Variants in SNRNP200 observed in about 807,000 individuals in gnomAD.
SNRNP200 encodes the protein U5 small nuclear ribonucleoprotein 200 kDa helicase.
Under a neutral mutation model 255.2 loss-of-function variants are expected in SNRNP200, and 66 were observed. That is an observed-to-expected ratio of 0.26 (90% CI 0.21 to 0.32). SNRNP200 has a LOEUF of 0.32. Among genes scored for constraint, SNRNP200 ranks in the 10% least tolerant of loss-of-function variants. SNRNP200 has a pLI of 1.00. For synonymous variants in SNRNP200, 939 were observed against 1,027.8 expected (o/e 0.91, Z 1.65); for missense variants, 1,585 against 2,749.8 (o/e 0.58, Z 9.47).
chr2:96,290,758 T>A lies in SNRNP200; in HGVS notation c.2479A>T (p.Ile827Phe). The change falls in exon 19 of 45, where the codon ATC (isoleucine) becomes TTC (phenylalanine). Residue 827 changes from isoleucine (I) to phenylalanine (F), a missense_variant. Coordinates refer to ENST00000323853, the MANE Select transcript of SNRNP200 (RefSeq NM_014014.5). This position sits in a 1 kb window ranked among gnomAD's most constrained non-coding sequence, Gnocchi z 4.5. ...WGVNLPAHTVIIKGTQVYSPE... is the reference protein window; with the variant it reads ...WGVNLPAHTVFIKGTQVYSPE... ...CTGTACACCTGGGTGCCTTTGATGATGACTGTATGTGCAGGGAGATTCACA... is the reference window on the plus strand; with the variant it reads ...CTGTACACCTGGGTGCCTTTGATGAAGACTGTATGTGCAGGGAGATTCACA... 6.2e-7 allele frequency: 1 copy of A among 1,614,208 alleles called. No homozygotes were observed. The highest frequency in any genetic ancestry group is 1.1e-5 in the South Asian group (1 of 91,088).
rs760634966 is a variant in SNRNP200, at chr2:96,287,005, C to T, written c.3639+1G>A. On this transcript the variant is annotated splice_donor_variant, in intron 27 of 44. Transcript: ENST00000323853. LOFTEE classifies it high-confidence loss of function. The surrounding 1 kb of genome is among the most constrained non-coding windows in gnomAD (Gnocchi z 5.7). ...AGCACCTCTGCCCAGCAAAGCCTCACCTTTTCATCCCACTGGAAGTCTGGC... is the reference window on the plus strand; with the variant it reads ...AGCACCTCTGCCCAGCAAAGCCTCATCTTTTCATCCCACTGGAAGTCTGGC... The T allele has an allele frequency of 6.2e-7, 1 of 1,614,204 alleles. No homozygotes were observed. The highest frequency in any genetic ancestry group is 8.5e-7 in the Non-Finnish European group (1 of 1,180,026).
rs771701106 is a variant in SNRNP200 at position 96,285,209 on chromosome 2, T to C, written c.4135A>G (p.Ile1379Val). 5 of 1,613,992 alleles carry C rather than the reference T, an allele frequency of 3.1e-6. No individual in the cohort carries two copies. The highest frequency in any genetic ancestry group is 1.1e-5 in the South Asian group (1 of 91,086). The change falls in exon 30 of 45, where the codon ATC (isoleucine) becomes GTC (valine). Residue 1379 changes from isoleucine to valine, a missense_variant. Physicochemically the swap from Ile to Val is conservative, Grantham distance 29. Coordinates refer to ENST00000323853, the MANE Select transcript of SNRNP200 (RefSeq NM_014014.5). ...LQSSEGRCVYITPMEALAEQV... is the reference protein window; with the variant it reads ...LQSSEGRCVYVTPMEALAEQV... ...TCTGCCAGGGCCTCCATGGGGGTGA[T>C]GTACACACAGCGCCCCTCCGAGCTC...
chr2:96,304,954 CGTA>C (rs1252121713), intron 1 of SNRNP200, 86 bp from the exon 2 acceptor site: 2 of 1,452,542 alleles, frequency 1.4e-6, no homozygotes, highest in South Asian at 2.4e-5. Flanking sequence ...TGGAAAAAAT[CGTA>C]GTAACTAGTT....
rs763520643 is a variant in SNRNP200, at chr2:96,298,792, A to G, written c.882+23T>C. 3 of 1,614,112 alleles carry G rather than the reference A, an allele frequency of 1.9e-6. No homozygotes were observed. In the South Asian group the frequency reaches 3.3e-5, roughly 18 times the overall value. On this transcript the variant is annotated intron_variant, in intron 7 of 44. Transcript: ENST00000323853. Reference sequence around the variant, plus strand: ...ATGTGCTAAGATACACTAAATATACAACTATTGTCATCTTGGCCATACCTT... The same window carrying G: ...ATGTGCTAAGATACACTAAATATACGACTATTGTCATCTTGGCCATACCTT...
At chr2:96,292,056 C>T (rs569068167) in intron 16 of SNRNP200, among the ~76,000 whole-genome samples, 156 bp from the exon 17 acceptor site, 4 of 152,320 alleles carry the variant, frequency 2.6e-5, no homozygotes, top group African/African-American at 4.8e-5. Context: ...AGCCTAAACA[C>T]GGCTGGAAAG....
chr2:96,297,000 C>T lies in SNRNP200; in HGVS notation c.1448G>A (p.Arg483Gln), dbSNP rs199570183. The T allele has an allele frequency of 1.1e-5, 18 of 1,614,056 alleles. No homozygotes were observed. Among genetic ancestry groups the T allele is most frequent in the African/African-American group, 4.0e-5 (3 of 74,900 alleles). Reference protein sequence around the residue: ...AGFEGFKTLNRIQSKLYRAAL... With the variant: ...AGFEGFKTLNQIQSKLYRAAL... ...AGCACGGTAGAGCTTACTCTGGATC[C>T]GATTCAGTGTTTTGAAGCCCTCAAA... The change falls in exon 12 of 45, where the codon CGG becomes CAG. Residue 483 changes from arginine to glutamine, a missense_variant. Physicochemically the swap from Arg to Gln is conservative, Grantham distance 43 (BLOSUM62 1). Transcript: ENST00000323853.
At position 96,285,169 on chromosome 2, in the gene SNRNP200, C is replaced by G; in HGVS notation, c.4164+11G>C. 6.2e-7 allele frequency: 1 copy of G among 1,613,932 alleles called. No homozygotes were observed. The highest frequency in any genetic ancestry group is 8.5e-7 in the Non-Finnish European group (1 of 1,179,932). On this transcript the variant is annotated intron_variant, in intron 30 of 44. Transcript: ENST00000323853. ...CTTGGGAAATTCACATGACACAGCGCCACGTCATACCTGCTCTGCCAGGGC... is the reference window on the plus strand; with the variant it reads ...CTTGGGAAATTCACATGACACAGCGGCACGTCATACCTGCTCTGCCAGGGC...
In SNRNP200 at chr2:96,287,806, C is replaced by A; in HGVS notation, c.3365+57G>T. The A allele has an allele frequency of 1.4e-6, 2 of 1,450,338 alleles. No individual in the cohort carries two copies. Among genetic ancestry groups the A allele is most frequent in the East Asian group, 4.5e-5 (2 of 44,160 alleles). The allele number at this position is 1,450,338 out of a possible 1,614,324, so 89.8% of individuals were successfully genotyped here. ...GCACCCTGAGGCTTTCCCATCAGAC[C>A]CTTGGGTTGGGGACCCCCACTCATG... On this transcript the variant is annotated intron_variant, in intron 25 of 44. Coordinates refer to ENST00000323853, the MANE Select transcript of SNRNP200 (RefSeq NM_014014.5). This position sits in a 1 kb window ranked among gnomAD's most constrained non-coding sequence, Gnocchi z 5.7.
Position 96,278,530 on chromosome 2 carries a change from G to C in SNRNP200, c.5488+17C>G. On this transcript the variant is annotated intron_variant, in intron 38 of 44. Transcript: ENST00000323853. The surrounding 1 kb of genome is among the most constrained non-coding windows in gnomAD (Gnocchi z 6.9). ...AAAGGCTCCCACAGACAGGACACGGGCCATGCCGGGCCTCACCAATGGTGG... is the reference window on the plus strand; with the variant it reads ...AAAGGCTCCCACAGACAGGACACGGCCCATGCCGGGCCTCACCAATGGTGG... 6.2e-7 allele frequency: 1 copy of C among 1,613,608 alleles called. No homozygotes were observed. Among genetic ancestry groups the C allele is most frequent in the Non-Finnish European group, 8.5e-7 (1 of 1,180,024 alleles).
intron 14 of SNRNP200, among the ~76,000 whole-genome samples, chr2:96,294,045 G>A (rs1275209482): frequency 6.7e-6 from 1 of 149,428 alleles, no homozygotes; most frequent in Non-Finnish European, 1.5e-5. Flanking sequence ...CTGCTGCTAT[G>A]ACCCCAACCA....
chr2:96,288,821 T>C lies in SNRNP200; in HGVS notation c.3175-75A>G, dbSNP rs889801005. ...AAGAAAGGGAATTACATTTCTGCTC[T>C]GAGCATCCAGGCCAGGTGAGATTTG... On this transcript the variant is annotated intron_variant, in intron 23 of 44. Transcript: ENST00000323853. The C allele has an allele frequency of 9.2e-6, 12 of 1,310,526 alleles. No homozygotes were observed. The Admixed American group carries it at 1.4e-4, about 15-fold the overall frequency. 81.2% of individuals were successfully genotyped at this position (1,310,526 alleles called of 1,614,324 possible).
At chr2:96,303,522 C>T (rs2063966094) in intron 2 of SNRNP200, among the ~76,000 whole-genome samples, 192 bp from the exon 3 acceptor site, 1 of 152,020 alleles carries the variant, frequency 6.6e-6, no homozygotes, top group African/African-American at 2.4e-5. Context: ...GACACAGTGA[C>T]AAAAAGAAAA....
intron 4 of SNRNP200, 40 bp from the exon 5 acceptor site, chr2:96,301,093 G>A: frequency 1.3e-6 from 2 of 1,584,018 alleles, no homozygotes; most frequent in Non-Finnish European, 1.7e-6. Flanking sequence ...GCAGTGAATG[G>A]CTAGTAAAAC....
In SNRNP200 at chr2:96,305,527, C is replaced by T; in HGVS notation, c.-90G>A. On this transcript the variant is annotated 5_prime_UTR_variant, in exon 1 of 45. Transcript: ENST00000323853. ...GATCTCTGCTCCCGCCGCGCCGGAA[C>T]GACGCAGGAAAGACGCACTGGGGAA... The T allele has an allele frequency of 6.4e-7, 1 of 1,574,040 alleles. No homozygotes were observed. Among genetic ancestry groups the T allele is most frequent in the Non-Finnish European group, 8.7e-7 (1 of 1,148,884 alleles).
intron 9 of SNRNP200, among the ~76,000 whole-genome samples, 197 bp from the exon 10 acceptor site, chr2:96,297,917 A>G (rs917595061): frequency 6.6e-6 from 1 of 152,248 alleles, no homozygotes; most frequent in Non-Finnish European, 1.5e-5. Flanking sequence ...AATGCGCAGT[A>G]CAAGGATGCC....
chr2:96,284,487 T>G lies in SNRNP200; in HGVS notation c.4263A>C (p.Lys1421Asn). 1 of 1,614,180 alleles carries G rather than the reference T, an allele frequency of 6.2e-7. No individual in the cohort carries two copies. The highest frequency in any genetic ancestry group is 8.5e-7 in the Non-Finnish European group (1 of 1,180,022). Residue 1421 changes from lysine (K) to asparagine (N), a missense_variant, in exon 31 of 45, where the codon AAA (lysine) becomes AAC (asparagine). By Grantham distance (94) the Lys-to-Asn change is moderately conservative (BLOSUM62 0). Transcript: ENST00000323853. The part of the protein sequence containing the change: ...ETSTDLKLLG[K>N]GNIIISTPEK... ...CAGGGGTGCTGATGATAATGTTCCC[T>G]TTGCCCAGCAGCTTCAGGTCTGTGC... is the stretch of plus-strand genomic sequence containing the variant.
intron 9 of SNRNP200, 33 bp from the exon 10 acceptor site, chr2:96,297,753 A>C (rs762574736): frequency 6.2e-7 from 1 of 1,610,354 alleles, no homozygotes; most frequent in Admixed American, 1.7e-5. Flanking sequence ...TCACAAAAAC[A>C]ATTCATCAGT....
At chr2:96,289,463 G>A (rs1483211673) in intron 21 of SNRNP200, 84 bp from the exon 22 acceptor site, 1 of 1,487,978 alleles carries the variant, frequency 6.7e-7, no homozygotes. Context: ...CTGTCCTATA[G>A]GTTTTTTGTA....
chr2:96,291,995 G>T lies in SNRNP200; in HGVS notation c.2161-95C>A. The T allele has an allele frequency of 7.1e-7, 1 of 1,402,168 alleles. No individual in the cohort carries two copies. The highest frequency in any genetic ancestry group is 1.0e-6 in the Non-Finnish European group (1 of 1,000,986). The allele number at this position is 1,402,168 out of a possible 1,614,324, so 86.9% of individuals were successfully genotyped here. A position where few individuals can be genotyped will look rare whatever the true frequency, so the allele number is the denominator to read the frequency against. On this transcript the variant is annotated intron_variant, in intron 16 of 44. Transcript: ENST00000323853. The surrounding 1 kb of genome is among the most constrained non-coding windows in gnomAD (Gnocchi z 4.2). Reference sequence around the variant, plus strand: ...AGAAGTTGCACCATCACCACCAGAAGCCAAGGTCCTGGAGAGGGGCAAGGG... The same window carrying T: ...AGAAGTTGCACCATCACCACCAGAATCCAAGGTCCTGGAGAGGGGCAAGGG...
Sources: gnomAD v4.1 joint callset for allele counts (sites outside exome capture counted in the v4.1 genomes callset) on GRCh38, gnomAD v4.1.1 for gene constraint, Gnocchi (gnomAD v3.1) non-coding constraint, MANE v1.5 for transcripts, NCBI Gene and HGNC (gene_info 2026-07-23, HGNC 2026-07-21) for gene names.